SPIDR: variants seen among roughly 807,000 people sequenced by gnomAD.
SPIDR encodes the protein scaffold protein involved in DNA repair.
A neutral mutation model predicts 104.6 loss-of-function variants in SPIDR; 93 were observed. The observed-to-expected ratio is 0.89, with a 90% CI of 0.75 to 1.06. The LOEUF is 1.06. Among genes scored for constraint, SPIDR ranks in the 50% least tolerant of loss-of-function variants. The pLI, the probability that SPIDR is intolerant of heterozygous loss-of-function variation, is 0.00. For synonymous variants in SPIDR, 431 were observed against 416.9 expected, an observed-to-expected ratio of 1.03 and a Z score of -0.41; for missense variants, 1,154 against 1,111.2, an observed-to-expected ratio of 1.04 and a Z score of -0.55.
chr8:47,431,909 C>T (rs140398802), intron 7 of SPIDR, among the ~76,000 whole-genome samples: 3,006 of 152,244 alleles, frequency 0.02, 239 homozygotes, highest in Admixed American at 0.14. Flanking sequence ...ATGAATTGTG[C>T]TCTTCATAGG....
chr8:47,372,996 G>T, intron 5 of SPIDR, among the ~76,000 whole-genome samples: 1 of 152,170 alleles, frequency 6.6e-6, no homozygotes, highest in East Asian at 1.9e-4. Flanking sequence ...AGGAAGAGAT[G>T]ATAAGGCTAG....
intron 5 of SPIDR, among the ~76,000 whole-genome samples, chr8:47,328,238 G>A (rs2048033773): frequency 6.6e-6 from 1 of 151,490 alleles, no homozygotes; most frequent in African/African-American, 2.4e-5. Context: ...TTTGTGTATG[G>A]TGTGAGGCAG....
chr8:47,630,592 A>C (rs2066910772), intron 10 of SPIDR, among the ~76,000 whole-genome samples: 1 of 152,190 alleles, frequency 6.6e-6, no homozygotes, highest in Non-Finnish European at 1.5e-5. Context: ...AGTTCCCTAC[A>C]TCCATCCTGG....
intron 5 of SPIDR, among the ~76,000 whole-genome samples, chr8:47,348,661 C>G (rs145645901): frequency 0.048 from 7,295 of 152,230 alleles, 215 homozygotes; most frequent in Middle Eastern, 0.071. Flanking sequence ...TTTCTTTTTA[C>G]TCTTTTTTCT....
At chr8:47,463,761 A>G (rs13263986) in intron 8 of SPIDR, among the ~76,000 whole-genome samples, 1 of 152,212 alleles carries the variant, frequency 6.6e-6, no homozygotes, top group Non-Finnish European at 1.5e-5. Flanking sequence ...AAGGAGAAAA[A>G]CCATACAATT....
chr8:47,596,541 G>C (rs921888061), intron 9 of SPIDR, among the ~76,000 whole-genome samples: 13 of 152,178 alleles, frequency 8.5e-5, no homozygotes, highest in Admixed American at 3.3e-4. Context: ...CATAAATGGA[G>C]CCCGTAGAAC....
At chr8:47,517,924 A>G (rs1199508098) in intron 8 of SPIDR, among the ~76,000 whole-genome samples, 4 of 152,192 alleles carry the variant, frequency 2.6e-5, no homozygotes, top group East Asian at 1.9e-4. Context: ...ATTGTATATT[A>G]TATTCCTATA....
chr8:47,333,225 A>T (rs2049081007), intron 5 of SPIDR, among the ~76,000 whole-genome samples: 1 of 152,114 alleles, frequency 6.6e-6, no homozygotes, highest in Non-Finnish European at 1.5e-5. Context: ...ATACCTCCTG[A>T]AGGGATCTGC....
At chr8:47,567,445 C>G (rs1462677440) in intron 8 of SPIDR, among the ~76,000 whole-genome samples, 1 of 151,944 alleles carries the variant, frequency 6.6e-6, no homozygotes, top group African/African-American at 2.4e-5. Context: ...TCTCGAACTC[C>G]CGACCTCAGT....
At chr8:47,511,276 A>G (rs1427419755) in intron 8 of SPIDR, 3 of 1,525,252 alleles carry the variant, frequency 2.0e-6, no homozygotes, top group African/African-American at 1.4e-5. Flanking sequence ...CTCTGATTCG[A>G]CGATTAAGAT....
At position 47,365,422 on chromosome 8, in the gene SPIDR, A is replaced by G. The variant is rs72646303; in HGVS notation, c.526-30954A>G. Reference sequence around the variant, plus strand: ...CCACAACTGCTCAGGAGACCCATGCACATCTTAGCATGCCTCGGGTCTTTC... The same window carrying G: ...CCACAACTGCTCAGGAGACCCATGCGCATCTTAGCATGCCTCGGGTCTTTC... On this transcript the variant is annotated intron_variant, in intron 5 of 19. Coordinates refer to ENST00000297423, the MANE Select transcript of SPIDR (RefSeq NM_001080394.4). 1.7e-3 allele frequency among the ~76,000 whole-genome samples: 253 copies of G among 152,332 alleles called. 1 individual carries two copies. The highest frequency in any genetic ancestry group is 2.9e-3 in the Non-Finnish European group (200 of 68,030).
intron 8 of SPIDR, chr8:47,547,095 G>T (rs1460421765): frequency 4.9e-5 from 27 of 556,440 alleles, no homozygotes; most frequent in Non-Finnish European, 7.7e-5. Context: ...GATCTTGCCA[G>T]TTTCCAAATC....
chr8:47,600,862 A>G (rs545967792), intron 10 of SPIDR, among the ~76,000 whole-genome samples: 2 of 152,320 alleles, frequency 1.3e-5, no homozygotes, highest in South Asian at 4.1e-4. Context: ...GGACGAGGAA[A>G]CAGAGACAGT....
intron 11 of SPIDR, among the ~76,000 whole-genome samples, chr8:47,684,480 C>T (rs2077499275): frequency 6.6e-6 from 1 of 152,174 alleles, no homozygotes; most frequent in Non-Finnish European, 1.5e-5. Flanking sequence ...TTGGTTAATA[C>T]ATTGGTTTTT....
intron 8 of SPIDR, chr8:47,592,217 C>T: frequency 7.5e-7 from 1 of 1,326,894 alleles, no homozygotes; most frequent in Admixed American, 1.7e-5. Flanking sequence ...GTTGGTCTTC[C>T]ACTGCTCTGC....
intron 8 of SPIDR, among the ~76,000 whole-genome samples, chr8:47,456,082 A>G (rs1375426999): frequency 6.6e-6 from 1 of 152,214 alleles, no homozygotes; most frequent in Non-Finnish European, 1.5e-5. Flanking sequence ...GGGTTAGACC[A>G]TATGTTAAGC....
chr8:47,516,319 G>A (rs1260367031), intron 8 of SPIDR, among the ~76,000 whole-genome samples: 1 of 152,170 alleles, frequency 6.6e-6, no homozygotes, highest in Admixed American at 6.6e-5. Flanking sequence ...ATTTTTAGAT[G>A]TATTTTCAGT....
intron 7 of SPIDR, among the ~76,000 whole-genome samples, chr8:47,438,952 T>C (rs536285967): frequency 6.6e-6 from 1 of 152,374 alleles, no homozygotes; most frequent in African/African-American, 2.4e-5. Flanking sequence ...CTATTCACTA[T>C]TAACCTAGTT....
chr8:47,709,088 T>C (rs945084559), intron 14 of SPIDR, among the ~76,000 whole-genome samples: 1 of 152,084 alleles, frequency 6.6e-6, no homozygotes, highest in Non-Finnish European at 1.5e-5. Flanking sequence ...TTTTCTTGCC[T>C]TAGCCTCTCG....
Sources: gnomAD v4.1 joint callset for allele counts (sites outside exome capture counted in the v4.1 genomes callset) on GRCh38, gnomAD v4.1.1 for gene constraint, MANE v1.5 for transcripts, NCBI Gene and HGNC (gene_info 2026-07-23, HGNC 2026-07-21) for gene names.